Variants in ARHGEF15 observed in about 807,000 individuals in gnomAD.
ARHGEF15 encodes Rho guanine nucleotide exchange factor (GEF) 15.
In ARHGEF15, 58 loss-of-function variants were observed where a neutral mutation model predicts 79.7. The ratio of observed to expected loss-of-function variants is 0.73; its 90% CI spans 0.59 to 0.91. The LOEUF (loss-of-function observed/expected upper bound fraction) is 0.91. Among genes scored for constraint, ARHGEF15 ranks in the 40% least tolerant of loss-of-function variants. The pLI, the probability that ARHGEF15 is intolerant of heterozygous loss-of-function variation, is 0.00. For missense variants in ARHGEF15, 1,012 were observed against 1,108.1 expected, an observed-to-expected ratio of 0.91 and a Z score of 1.23; for synonymous variants, 442 against 456.0, an observed-to-expected ratio of 0.97 and a Z score of 0.39.
At chr17:8,311,959 AG>A (rs1430661047) in intron 1 of ARHGEF15, 31 bp from the exon 2 acceptor site, 6 of 1,419,552 alleles carry the variant, frequency 4.2e-6, no homozygotes, top group Non-Finnish European at 1.9e-6. Flanking sequence ...TGGGGCACTA[AG>A]GGTCTTTCTC....
intron 1 of ARHGEF15, among the ~76,000 whole-genome samples, chr17:8,311,193 A>T (rs1043949914): frequency 1.3e-5 from 2 of 152,034 alleles, no homozygotes; most frequent in African/African-American, 4.8e-5. Flanking sequence ...CTGACCCTGC[A>T]GCCTTCTTGG....
At position 8,319,361 on chromosome 17, in the gene ARHGEF15, C is replaced by T. The variant is rs979007233; in HGVS notation, c.2236C>T (p.Pro746Ser). 1.2e-6 allele frequency: 2 copies of T among 1,614,114 alleles called. No individual in the cohort carries two copies. Among genetic ancestry groups the T allele is most frequent in the Non-Finnish European group, 1.7e-6 (2 of 1,180,002 alleles). Reference sequence around the variant, plus strand: ...AGCCTTCCCAACCCCAGGCCCCCTTCCCTGCTCCCCAGACACCATCTATGA... The same window carrying T: ...AGCCTTCCCAACCCCAGGCCCCCTTTCCTGCTCCCCAGACACCATCTATGA... ...LGAFPTPGPL[P>S]CSPDTIYEDC... is the part of the protein sequence containing the mutation. The change falls in exon 14 of 16, where the codon CCC (proline) becomes TCC (serine). Residue 746 changes from proline (P) to serine (S), a missense_variant. By Grantham distance (74) the Pro-to-Ser change is moderately conservative. This residue lies in a region of ARHGEF15 where 132 missense variants were observed against 124.2 expected (regional missense o/e 1.06). Transcript: ENST00000361926.
chr17:8,319,358 C>G lies in ARHGEF15; in HGVS notation c.2233C>G (p.Leu745Val). ...WLGAFPTPGP[L>V]PCSPDTIYED... ...GGGAGCCTTCCCAACCCCAGGCCCC[C>G]TTCCCTGCTCCCCAGACACCATCTA... The change falls in exon 14 of 16, where the codon CTT (leucine) becomes GTT (valine). Residue 745 changes from leucine (L) to valine (V), a missense_variant. By Grantham distance (32) the Leu-to-Val change is conservative. Transcript: ENST00000361926. 3.1e-6 allele frequency: 5 copies of G among 1,614,122 alleles called. No homozygotes were observed. The highest frequency in any genetic ancestry group is 4.2e-6 in the Non-Finnish European group (5 of 1,180,012).
In ARHGEF15 at chr17:8,313,022, C is replaced by T. The variant is rs755760460; in HGVS notation, c.702C>T (p.Val234=). Residue 234 remains valine (V), a synonymous_variant, in exon 3 of 16, where the codon GTC becomes GTT. Coordinates refer to ENST00000361926, the MANE Select transcript of ARHGEF15 (RefSeq NM_173728.4). ...TGCCTGTGGGGGGCTATGAGGAGGT[C>T]CCCAGGGTCCCCCGTCGGGCCTCCC... ...RWVPVGGYEE[V]PRVPRRASPL... 1.2e-6 allele frequency: 2 copies of T among 1,612,940 alleles called. No individual in the cohort carries two copies. Among genetic ancestry groups the T allele is most frequent in the Non-Finnish European group, 1.7e-6 (2 of 1,179,616 alleles).
rs1262340044 is a variant in ARHGEF15, at chr17:8,321,539, C to T, written c.*546C>T. On this transcript the variant is annotated 3_prime_UTR_variant, in exon 16 of 16. Transcript: ENST00000361926. ...TGTGCCCTCTCAAGCCAGTTCTTCT[C>T]TTCCAGAAGAATTCAGAGTATGTGT... The T allele has an allele frequency of 6.5e-6, 1 of 153,684 alleles. No homozygotes were observed. The highest frequency in any genetic ancestry group is 1.4e-5 in the Non-Finnish European group (1 of 69,092). 9.5% of individuals were successfully genotyped at this position (153,684 alleles called of 1,614,324 possible).
At chr17:8,314,638 C>T (rs575815585) in intron 4 of ARHGEF15, among the ~76,000 whole-genome samples, 7 of 151,540 alleles carry the variant, frequency 4.6e-5, no homozygotes, top group African/African-American at 1.5e-4. Flanking sequence ...AAGTAGGTTA[C>T]GCCTGTAATC....
intron 5 of ARHGEF15, 29 bp downstream of exon 5, chr17:8,314,993 G>A (rs1904911917): frequency 6.2e-7 from 1 of 1,613,820 alleles, no homozygotes; most frequent in Non-Finnish European, 8.5e-7. Flanking sequence ...GAGGGTCCCT[G>A]CTGTGACCAT....
At position 8,315,232 on chromosome 17, in the gene ARHGEF15, C is replaced by A; in HGVS notation, c.1215C>A (p.Ser405Arg). The A allele has an allele frequency of 6.2e-7, 1 of 1,613,434 alleles. No homozygotes were observed. The highest frequency in any genetic ancestry group is 8.5e-7 in the Non-Finnish European group (1 of 1,179,866). ...AGGAGCTTCCGGCTGTGCAAGCCAG[C>A]GGTCTTCTGGATACCCTCAGCCCCC... ...LWQELPAVQA[S>R]GLLDTLSPQE... The change falls in exon 6 of 16, where the codon AGC (serine) becomes AGA (arginine). Residue 405 changes from serine to arginine, a missense_variant. Physicochemically the swap from Ser to Arg is moderately radical, Grantham distance 110. This residue lies in a region of ARHGEF15 where 818 missense variants were observed against 882.5 expected (regional missense o/e 0.93). Transcript: ENST00000361926. The surrounding 1 kb of genome is among the most constrained non-coding windows in gnomAD (Gnocchi z 4.3).
At chr17:8,314,745 A>AAC in intron 4 of ARHGEF15, 161 bp from the exon 5 acceptor site, 1 of 365,312 alleles carries the variant, frequency 2.7e-6, no homozygotes, top group Admixed American at 5.5e-5. Context: ...TCCCCTTCAA[A>AAC]AAAAAAAAAA....
In ARHGEF15 at chr17:8,313,292, G is replaced by A. The variant is rs976590757; in HGVS notation, c.934+38G>A. The stretch of plus-strand genomic sequence containing the variant: ...GGGGAGTGGACCTCTGGGCTGTGAG[G>A]GGACAGGAGAGAGGCAGGGGGGAAC... On this transcript the variant is annotated intron_variant, in intron 3 of 15. Coordinates refer to ENST00000361926, the MANE Select transcript of ARHGEF15 (RefSeq NM_173728.4). 3 of 1,584,396 alleles carry A rather than the reference G, an allele frequency of 1.9e-6. No individual in the cohort carries two copies. In the African/African-American group the frequency reaches 4.0e-5, roughly 21 times the overall value.
rs1199161518 is a variant in ARHGEF15, at chr17:8,315,243, A to T, written c.1226A>T (p.Asp409Val). ...LPAVQASGLLDTLSPQERRMQ... is the reference protein window; with the variant it reads ...LPAVQASGLLVTLSPQERRMQ... ...GCTGTGCAAGCCAGCGGTCTTCTGGATACCCTCAGCCCCCAGGAGAGGCGC... is the reference window on the plus strand; with the variant it reads ...GCTGTGCAAGCCAGCGGTCTTCTGGTTACCCTCAGCCCCCAGGAGAGGCGC... The change falls in exon 6 of 16, where the codon GAT becomes GTT. Residue 409 changes from aspartate (D) to valine (V), a missense_variant. Transcript: ENST00000361926. This position sits in a 1 kb window ranked among gnomAD's most constrained non-coding sequence, Gnocchi z 4.3. The T allele has an allele frequency of 1.2e-6, 2 of 1,613,300 alleles. No individual in the cohort carries two copies. Among genetic ancestry groups the T allele is most frequent in the Non-Finnish European group, 8.5e-7 (1 of 1,179,906 alleles).
intron 1 of ARHGEF15, 45 bp from the exon 2 acceptor site, chr17:8,311,946 C>A: frequency 7.4e-7 from 1 of 1,356,258 alleles, no homozygotes; most frequent in Non-Finnish European, 9.8e-7. Flanking sequence ...TTTACCCTCC[C>A]TGTGGGGCAC....
At chr17:8,317,118 T>C (rs935684017) in intron 9 of ARHGEF15, among the ~76,000 whole-genome samples, 3 of 152,040 alleles carry the variant, frequency 2.0e-5, no homozygotes, top group Non-Finnish European at 2.9e-5. Context: ...CAGAGAGTCC[T>C]TTCTAACCAG....
rs959375724 is a variant in ARHGEF15, at chr17:8,322,446, T to C, written c.*1453T>C. On this transcript the variant is annotated 3_prime_UTR_variant, in exon 16 of 16. Transcript: ENST00000361926. ...ACTGGCATTTGGCATGTCCATGACA[T>C]TGGAGACTCCCCTAGCAGGGTGCCT... The C allele has an allele frequency of 6.6e-6, 1 of 152,350 alleles. No homozygotes were observed. Among genetic ancestry groups the C allele is most frequent in the Non-Finnish European group, 1.5e-5 (1 of 68,132 alleles). 9.4% of individuals were successfully genotyped at this position (152,350 alleles called of 1,614,324 possible).
rs375343071 is a variant in ARHGEF15, at chr17:8,312,305, C to A, written c.266C>A (p.Thr89Asn). ...SASRASLDSQTSPDSPSSTPT... is the reference protein window; with the variant it reads ...SASRASLDSQNSPDSPSSTPT... ...TCTAGAGCCAGCCTCGACTCCCAGA[C>A]TTCCCCAGACTCACCTTCCAGCACC... The change falls in exon 2 of 16, where the codon ACT becomes AAT. Residue 89 changes from threonine (T) to asparagine (N), a missense_variant. Coordinates refer to ENST00000361926, the MANE Select transcript of ARHGEF15 (RefSeq NM_173728.4). 6.9e-5 allele frequency: 108 copies of A among 1,560,656 alleles called. 3 individuals carry two copies. Among genetic ancestry groups the A allele is most frequent in the East Asian group, 5.5e-4 (24 of 43,840 alleles).
chr17:8,316,574 G>C (rs984066338), intron 9 of ARHGEF15, among the ~76,000 whole-genome samples: 1 of 152,226 alleles, frequency 6.6e-6, no homozygotes, highest in Non-Finnish European at 1.5e-5. Context: ...GGCAAAAATT[G>C]GTTCTTTGGG....
intron 4 of ARHGEF15, 96 bp downstream of exon 4, chr17:8,313,651 C>T: frequency 1.5e-6 from 2 of 1,341,510 alleles, no homozygotes; most frequent in South Asian, 2.7e-5. Context: ...ATCCCACCTC[C>T]ACAAAGGTGA....
In ARHGEF15 at chr17:8,315,653, C is replaced by G. The variant is rs926889325; in HGVS notation, c.1421+79C>G. 18 of 1,591,426 alleles carry G rather than the reference C, an allele frequency of 1.1e-5. No individual in the cohort carries two copies. The East Asian group carries it at 4.0e-4, about 36-fold the overall frequency. ...CCTTTCCTCTCTCCCGGGCCCAGGT[C>G]CTTCCTTCTACGGACCCAGTTAGTT... On this transcript the variant is annotated intron_variant, in intron 7 of 15. Coordinates refer to ENST00000361926, the MANE Select transcript of ARHGEF15 (RefSeq NM_173728.4). This position sits in a 1 kb window ranked among gnomAD's most constrained non-coding sequence, Gnocchi z 4.3.
intron 1 of ARHGEF15, among the ~76,000 whole-genome samples, 153 bp from the exon 2 acceptor site, chr17:8,311,838 G>A (rs1032310517): frequency 6.6e-6 from 1 of 151,912 alleles, no homozygotes; most frequent in African/African-American, 2.4e-5. Flanking sequence ...GGGCAGACAC[G>A]GAGCGGCTGT....
Sources: gnomAD v4.1 joint callset for allele counts (sites outside exome capture counted in the v4.1 genomes callset) on GRCh38, gnomAD v4.1.1 for gene constraint, gnomAD v4.1.1 regional missense constraint, Gnocchi (gnomAD v3.1) non-coding constraint, MANE v1.5 for transcripts, NCBI Gene and HGNC (gene_info 2026-07-23, HGNC 2026-07-21) for gene names.